FOXN3: variants seen among roughly 807,000 people sequenced by gnomAD.
The protein encoded by FOXN3 is forkhead box N3.
In FOXN3, 7 loss-of-function variants were observed where a neutral mutation model predicts 38.4. The observed-to-expected ratio is 0.18, with a 90% CI of 0.10 to 0.34. The LOEUF (loss-of-function observed/expected upper bound fraction) is 0.34, where lower values mean the gene tolerates loss of function less well. FOXN3 is among the 10% of genes least tolerant of loss of function. The pLI, the probability that FOXN3 is intolerant of heterozygous loss-of-function variation, is 1.00. For synonymous variants in FOXN3, 230 were observed against 242.2 expected (o/e 0.95, Z 0.47); for missense variants, 456 against 613.4 (o/e 0.74, Z 2.71).
intron 1 of FOXN3, among the ~76,000 whole-genome samples, chr14:89,415,811 T>C (rs1891685687): frequency 9.4e-6 from 1 of 106,538 alleles, no homozygotes; most frequent in African/African-American, 3.2e-5. Context: ...GATACGCAAA[T>C]AGTTATTCAC....
intron 2 of FOXN3, chr14:89,401,542 G>A: frequency 2.2e-6 from 1 of 455,208 alleles, no homozygotes. Flanking sequence ...GGTATTCCAG[G>A]AGTACCTACT....
chr14:89,162,797 C>T lies in FOXN3; in HGVS notation c.1024G>A (p.Asp342Asn), dbSNP rs1402622483. The change falls in exon 6 of 6, where the codon GAC (aspartate) becomes AAC (asparagine). Residue 342 changes from aspartate to asparagine, a missense_variant. By Grantham distance (23) the Asp-to-Asn change is conservative. This residue lies in a region of FOXN3 where 386 missense variants were observed against 505.2 expected (regional missense o/e 0.76). Coordinates refer to ENST00000557258, the MANE Select transcript of FOXN3 (RefSeq NM_005197.4). This position sits in a 1 kb window ranked among gnomAD's most constrained non-coding sequence, Gnocchi z 7.2. ...SISSSSSSAD[D>N]HYEFATKGSQ... is the part of the protein sequence containing the mutation. ...CCCTTGGTGGCAAACTCATAGTGGTCGTCGGCTGAGGAGGAGGAGGAGGAG... is the reference window on the plus strand; with the variant it reads ...CCCTTGGTGGCAAACTCATAGTGGTTGTCGGCTGAGGAGGAGGAGGAGGAG... The T allele has an allele frequency of 1.2e-5, 20 of 1,612,742 alleles. No individual in the cohort carries two copies. The highest frequency in any genetic ancestry group is 2.2e-5 in the East Asian group (1 of 44,858).
intron 3 of FOXN3, among the ~76,000 whole-genome samples, chr14:89,343,851 C>A (rs1265395455): frequency 6.6e-6 from 1 of 152,150 alleles, no homozygotes; most frequent in African/African-American, 2.4e-5. Context: ...CAACCTCCAC[C>A]TCCCAGGTTC....
intron 3 of FOXN3, among the ~76,000 whole-genome samples, chr14:89,320,214 C>T (rs1405167462): frequency 1.3e-5 from 2 of 152,136 alleles, no homozygotes; most frequent in African/African-American, 4.8e-5. Flanking sequence ...AGGGTGGGCA[C>T]GTATTTTACA....
intron 2 of FOXN3, 32 bp downstream of exon 2, chr14:89,411,902 G>T: frequency 2.1e-5 from 25 of 1,179,434 alleles, no homozygotes; most frequent in South Asian, 7.0e-5. Flanking sequence ...AAAAAAAAAA[G>T]AAAACCTTGG....
intron 2 of FOXN3, among the ~76,000 whole-genome samples, chr14:89,352,895 A>C (rs1441796364): frequency 6.6e-6 from 1 of 152,226 alleles, no homozygotes; most frequent in Admixed American, 6.5e-5. Context: ...ACCATTTAAA[A>C]GCTAAGCAGA....
At chr14:89,446,986 C>T (rs892974100) in intron 1 of FOXN3, among the ~76,000 whole-genome samples, 5 of 152,056 alleles carry the variant, frequency 3.3e-5, no homozygotes, top group African/African-American at 4.8e-5. Flanking sequence ...CACCTGAGGT[C>T]GGGAGTTCGA....
intron 4 of FOXN3, among the ~76,000 whole-genome samples, chr14:89,262,907 G>A (rs67838037): frequency 0.078 from 11,870 of 152,246 alleles, 534 homozygotes; most frequent in Non-Finnish European, 0.094. Context: ...AAATTCTGCA[G>A]AGAAAGAGGA....
At chr14:89,193,891 G>T (rs1596093252) in intron 4 of FOXN3, among the ~76,000 whole-genome samples, 1 of 152,072 alleles carries the variant, frequency 6.6e-6, no homozygotes, top group African/African-American at 2.4e-5. Context: ...CCATCTAGGG[G>T]ATATATAGTA....
intron 1 of FOXN3, among the ~76,000 whole-genome samples, chr14:89,458,256 T>A (rs890940942): frequency 6.6e-6 from 1 of 152,186 alleles, no homozygotes; most frequent in Non-Finnish European, 1.5e-5. Context: ...TCTCTTGTCA[T>A]CCGAATCATT....
intron 4 of FOXN3, among the ~76,000 whole-genome samples, chr14:89,240,965 G>A (rs1230127993): frequency 1.3e-5 from 2 of 151,970 alleles, no homozygotes; most frequent in South Asian, 2.1e-4. Flanking sequence ...TTCCCTCTAC[G>A]CCTCACTCAA....
At chr14:89,391,992 A>G (rs1890960596) in intron 2 of FOXN3, among the ~76,000 whole-genome samples, 1 of 152,158 alleles carries the variant, frequency 6.6e-6, no homozygotes, top group Non-Finnish European at 1.5e-5. Context: ...GGAACCCTAT[A>G]AACTCTTTCC....
chr14:89,166,899 C>T (rs1887256519), intron 5 of FOXN3, among the ~76,000 whole-genome samples: 2 of 152,194 alleles, frequency 1.3e-5, no homozygotes, highest in South Asian at 4.1e-4. Context: ...ATTGCCATTA[C>T]AGGACAACAA....
chr14:89,264,269 T>C (rs977641220), intron 4 of FOXN3, among the ~76,000 whole-genome samples: 1 of 151,952 alleles, frequency 6.6e-6, no homozygotes, highest in African/African-American at 2.4e-5. Flanking sequence ...TCCACATGGC[T>C]CAGGAGGCCT....
At chr14:89,355,539 T>C (rs1889182560) in intron 2 of FOXN3, among the ~76,000 whole-genome samples, 1 of 152,222 alleles carries the variant, frequency 6.6e-6, no homozygotes, top group Non-Finnish European at 1.5e-5. Context: ...GCCCAGCCTA[T>C]ACTTTAAACA....
chr14:89,174,666 T>C (rs1887475498), intron 5 of FOXN3, among the ~76,000 whole-genome samples: 1 of 152,290 alleles, frequency 6.6e-6, no homozygotes, highest in South Asian at 2.1e-4. Flanking sequence ...GTTGATCAAA[T>C]TTCACAGTTT....
At chr14:89,594,665 C>G (rs1032798252) in intron 1 of FOXN3, among the ~76,000 whole-genome samples, 2 of 152,152 alleles carry the variant, frequency 1.3e-5, no homozygotes, top group Non-Finnish European at 2.9e-5. Context: ...GCCTTTCATT[C>G]TCTATATCTT....
chr14:89,271,943 C>G (rs1044348377), intron 4 of FOXN3, among the ~76,000 whole-genome samples: 7 of 152,314 alleles, frequency 4.6e-5, no homozygotes, highest in African/African-American at 1.7e-4. Flanking sequence ...TCGAGCAGAA[C>G]AATTGCTTCA....
chr14:89,589,570 C>T (rs1490936714), intron 1 of FOXN3, among the ~76,000 whole-genome samples: 4 of 152,000 alleles, frequency 2.6e-5, no homozygotes, highest in Non-Finnish European at 4.4e-5. Flanking sequence ...CACACCCAGC[C>T]GAGGTCTATA....
Sources: gnomAD v4.1 joint callset for allele counts (sites outside exome capture counted in the v4.1 genomes callset) on GRCh38, gnomAD v4.1.1 for gene constraint, gnomAD v4.1.1 regional missense constraint, Gnocchi (gnomAD v3.1) non-coding constraint, MANE v1.5 for transcripts, NCBI Gene and HGNC (gene_info 2026-07-23, HGNC 2026-07-21) for gene names.